Variants in CPB2 observed in about 807,000 individuals in gnomAD.
The protein encoded by CPB2 is carboxypeptidase B-like protein.
Under a neutral mutation model 57.0 loss-of-function variants are expected in CPB2, and 54 were observed. The observed-to-expected ratio is 0.95, with a 90% CI of 0.76 to 1.19. CPB2 has a LOEUF of 1.19. Ranked by LOEUF, CPB2 falls within the 50% of genes most tolerant of loss-of-function variation. The pLI is 0.00. For synonymous variants in CPB2, 189 were observed against 178.1 expected, an observed-to-expected ratio of 1.06 and a Z score of -0.49; for missense variants, 426 against 512.0, an observed-to-expected ratio of 0.83 and a Z score of 1.62.
At chr13:46,056,536 A>G (rs2139342525) in intron 9 of CPB2, among the ~76,000 whole-genome samples, 2 of 152,328 alleles carry the variant, frequency 1.3e-5, no homozygotes, top group East Asian at 3.9e-4. Flanking sequence ...GAGATTTATC[A>G]GCGGATATTA....
At chr13:46,080,712 T>G (rs1211819028) in intron 4 of CPB2, among the ~76,000 whole-genome samples, 2 of 152,148 alleles carry the variant, frequency 1.3e-5, no homozygotes, top group Non-Finnish European at 2.9e-5. Flanking sequence ...GGCTCACACC[T>G]GTAATCCTAG....
chr13:46,061,390 C>T (rs2139352425), intron 8 of CPB2, among the ~76,000 whole-genome samples: 1 of 152,236 alleles, frequency 6.6e-6, no homozygotes, highest in South Asian at 2.1e-4. Flanking sequence ...GAATTGCATC[C>T]TCCCAAATTC....
intron 1 of CPB2, 71 bp downstream of exon 1, chr13:46,104,865 T>C: frequency 6.3e-7 from 1 of 1,584,802 alleles, no homozygotes; most frequent in Non-Finnish European, 8.7e-7. Flanking sequence ...CTCAGTGCAC[T>C]GACTTGACAC....
rs17844197 is a variant in CPB2 at position 46,082,196 on chromosome 13, T to C, written c.384+245A>G. ...TGTTGTTCCATAGCATAAAGTGTTA[T>C]TCCCAGCAGTTAGAGATATTCTTAG... On this transcript the variant is annotated intron_variant, in intron 4 of 10. Coordinates refer to ENST00000181383, the MANE Select transcript of CPB2 (RefSeq NM_001872.5). Among the ~76,000 whole-genome samples the C allele has an allele frequency of 4.7e-3, 712 of 152,310 alleles. 4 individuals carry two copies. Among genetic ancestry groups the C allele is most frequent in the African/African-American group, 0.016 (658 of 41,572 alleles).
chr13:46,092,658 A>C (rs1869880714), intron 1 of CPB2, among the ~76,000 whole-genome samples: 1 of 152,196 alleles, frequency 6.6e-6, no homozygotes, highest in Admixed American at 6.5e-5. Context: ...CAATAGCAAG[A>C]GATAAAGGGC....
chr13:46,093,112 C>T (rs938492553), intron 1 of CPB2, among the ~76,000 whole-genome samples: 22 of 152,056 alleles, frequency 1.4e-4, no homozygotes, highest in African/African-American at 4.8e-4. Context: ...GGGGTTTCAC[C>T]ATGTTGGTCA....
intron 2 of CPB2, among the ~76,000 whole-genome samples, chr13:46,087,001 T>C (rs1327822165): frequency 6.6e-6 from 1 of 152,194 alleles, no homozygotes; most frequent in Admixed American, 6.5e-5. Context: ...CTTGCGAGCC[T>C]GTAGGGGAAT....
chr13:46,087,695 G>GT (rs771181352), intron 2 of CPB2, 50 bp downstream of exon 2: 1 of 1,270,244 alleles, frequency 7.9e-7, no homozygotes, highest in Non-Finnish European at 1.1e-6. Context: ...TCAACACCCA[G>GT]TGCTTATACA....
chr13:46,074,675 A>C (rs1180247453), intron 5 of CPB2, among the ~76,000 whole-genome samples: 1 of 152,144 alleles, frequency 6.6e-6, no homozygotes, highest in Non-Finnish European at 1.5e-5. Context: ...CAGCTACAAC[A>C]CAGTTTAGGG....
intron 1 of CPB2, among the ~76,000 whole-genome samples, chr13:46,091,386 G>A (rs2045290684): frequency 6.6e-6 from 1 of 152,084 alleles, no homozygotes; most frequent in African/African-American, 2.4e-5. Context: ...TGTGTTGCCT[G>A]GGACTTCAGT....
intron 1 of CPB2, 44 bp downstream of exon 1, chr13:46,104,892 G>A (rs377044117): frequency 1.2e-6 from 2 of 1,611,892 alleles, no homozygotes; most frequent in South Asian, 1.1e-5. Flanking sequence ...AGGCAAACAA[G>A]TGAGGAGAGT....
chr13:46,104,120 G>A (rs190956593), intron 1 of CPB2, among the ~76,000 whole-genome samples: 94 of 146,822 alleles, frequency 6.4e-4, no homozygotes, highest in East Asian at 5.8e-4. Context: ...GTGGTAGAAT[G>A]TTCCTTGTCA....
chr13:46,069,409 T>C (rs1343422545), intron 6 of CPB2, among the ~76,000 whole-genome samples: 1 of 152,116 alleles, frequency 6.6e-6, no homozygotes, highest in Non-Finnish European at 1.5e-5. Context: ...ATTCATAGAG[T>C]TTTGCAACCA....
At chr13:46,099,218 C>T (rs1417896040) in intron 1 of CPB2, 1 of 152,000 alleles carries the variant, frequency 6.6e-6, no homozygotes, top group East Asian at 1.9e-4. Flanking sequence ...AATCAGAGCT[C>T]AAGGAAGGAG....
intron 1 of CPB2, chr13:46,100,907 C>T (rs1212304982): frequency 1.3e-5 from 2 of 152,102 alleles, no homozygotes; most frequent in African/African-American, 4.8e-5. Flanking sequence ...TCTCACACAA[C>T]TCTAAGAAGT....
At chr13:46,061,214 A>G (rs990350320) in intron 8 of CPB2, among the ~76,000 whole-genome samples, 2 of 151,830 alleles carry the variant, frequency 1.3e-5, no homozygotes, top group African/African-American at 4.9e-5. Context: ...ATAATAAAAA[A>G]TAATTTTAAA....
intron 2 of CPB2, among the ~76,000 whole-genome samples, chr13:46,087,167 CA>C (rs1593910751): frequency 6.6e-6 from 1 of 152,336 alleles, no homozygotes; most frequent in East Asian, 1.9e-4. Flanking sequence ...CGGGCAGCTG[CA>C]GCTGCGCCTG....
intron 7 of CPB2, among the ~76,000 whole-genome samples, chr13:46,067,051 A>C (rs542405837): frequency 6.6e-6 from 1 of 152,132 alleles, no homozygotes; most frequent in East Asian, 1.9e-4. Context: ...AGTAAGGTAG[A>C]AGTGGGTAGA....
At chr13:46,054,167 G>A (rs750331339) in intron 10 of CPB2, among the ~76,000 whole-genome samples, 2 of 152,126 alleles carry the variant, frequency 1.3e-5, no homozygotes, top group East Asian at 3.8e-4. Context: ...TTTTATGGGC[G>A]AAAAATAATA....
Sources: gnomAD v4.1 joint callset for allele counts (sites outside exome capture counted in the v4.1 genomes callset) on GRCh38, gnomAD v4.1.1 for gene constraint, MANE v1.5 for transcripts, NCBI Gene and HGNC (gene_info 2026-07-23, HGNC 2026-07-21) for gene names.